Variants in TBX18 observed in about 807,000 individuals in gnomAD.
The protein encoded by TBX18 is T-box transcription factor TBX18.
In TBX18, 21 loss-of-function variants were observed where a neutral mutation model predicts 55.0. The observed-to-expected ratio is 0.38, with a 90% CI of 0.27 to 0.55. The LOEUF (loss-of-function observed/expected upper bound fraction) is 0.55, where lower values mean the gene tolerates loss of function less well. TBX18 is among the 20% of genes least tolerant of loss of function. TBX18 has a pLI of 0.73. For missense variants in TBX18, 840 were observed against 799.6 expected (o/e 1.05, Z -0.61); for synonymous variants, 342 against 326.1 (o/e 1.05, Z -0.53).
rs1229463314 is a variant in TBX18 at position 84,734,248 on chromosome 6, G to A, written c.*2437C>T. 2 of 152,030 alleles carry A rather than the reference G, an allele frequency of 1.3e-5. No homozygotes were observed. The highest frequency in any genetic ancestry group is 6.6e-5 in the Admixed American group (1 of 15,258). The allele number at this position is 152,030 out of a possible 1,614,324, so 9.4% of individuals were successfully genotyped here. A position where few individuals can be genotyped will look rare whatever the true frequency, so the allele number is the denominator to read the frequency against. ...ATTTTCATGTGTTCAACATTTGTCA[G>A]GGCCTTCACCTTCAATGACATGGTC... On this transcript the variant is annotated 3_prime_UTR_variant, in exon 8 of 8. Transcript: ENST00000369663.
intron 4 of TBX18, among the ~76,000 whole-genome samples, chr6:84,752,550 G>A (rs549045302): frequency 5.3e-5 from 8 of 152,180 alleles, no homozygotes; most frequent in African/African-American, 1.9e-4. Context: ...ACGTCCTTTC[G>A]AGTTCATCAG....
rs147381582 is a variant in TBX18, at chr6:84,753,814, G to C, written c.771+2884C>G. On this transcript the variant is annotated intron_variant, in intron 4 of 7. Transcript: ENST00000369663. ...TTCCCATCTTTCCTGGCTGGAATACGGTGACACTGGCATCTGTACTTCTCT... is the reference window on the plus strand; with the variant it reads ...TTCCCATCTTTCCTGGCTGGAATACCGTGACACTGGCATCTGTACTTCTCT... Among the ~76,000 whole-genome samples the C allele has an allele frequency of 8.1e-3, 1,235 of 152,246 alleles. 7 individuals carry two copies. The highest frequency in any genetic ancestry group is 0.014 in the Non-Finnish European group (927 of 68,004).
At chr6:84,754,014 G>A (rs1405943880) in intron 4 of TBX18, among the ~76,000 whole-genome samples, 1 of 152,102 alleles carries the variant, frequency 6.6e-6, no homozygotes, top group Non-Finnish European at 1.5e-5. Context: ...TACAACCTCT[G>A]CCTCCTGGGT....
At position 84,744,243 on chromosome 6, in the gene TBX18, G is replaced by C. The variant is rs1305706564; in HGVS notation, c.1004+18C>G. The C allele has an allele frequency of 1.2e-6, 2 of 1,603,212 alleles. No homozygotes were observed. Among genetic ancestry groups the C allele is most frequent in the Admixed American group, 1.7e-5 (1 of 59,146 alleles). ...AAATATATTTATCATAACCGGAATG[G>C]TCTTCACTAAGGCCCACCTGTTGCG... is the stretch of plus-strand genomic sequence containing the variant. On this transcript the variant is annotated intron_variant, in intron 6 of 7. Coordinates refer to ENST00000369663, the MANE Select transcript of TBX18 (RefSeq NM_001080508.3).
chr6:84,735,284 T>G lies in TBX18; in HGVS notation c.*1401A>C, dbSNP rs1462357010. 2 of 152,208 alleles carry G rather than the reference T, an allele frequency of 1.3e-5. No individual in the cohort carries two copies. The highest frequency in any genetic ancestry group is 2.9e-5 in the Non-Finnish European group (2 of 68,036). The allele number at this position is 152,208 out of a possible 1,614,324, so 9.4% of individuals were successfully genotyped here. ...TTTATCTCATACTGTGCTCTCAAAG[T>G]TACTTGTTTTTAACTCTTCAACCAT... On this transcript the variant is annotated 3_prime_UTR_variant, in exon 8 of 8. Coordinates refer to ENST00000369663, the MANE Select transcript of TBX18 (RefSeq NM_001080508.3).
At chr6:84,751,656 A>G (rs1443052291) in intron 4 of TBX18, among the ~76,000 whole-genome samples, 1 of 152,202 alleles carries the variant, frequency 6.6e-6, no homozygotes, top group Non-Finnish European at 1.5e-5. Context: ...AAAGTCTCAG[A>G]TCTATATGGA....
chr6:84,741,474 C>T (rs1193964920), intron 6 of TBX18: 1 of 152,198 alleles, frequency 6.6e-6, no homozygotes, highest in Admixed American at 6.5e-5. Context: ...AATTCTCTCT[C>T]ACATAGCAAA....
At chr6:84,753,294 A>T (rs1767399307) in intron 4 of TBX18, among the ~76,000 whole-genome samples, 1 of 152,146 alleles carries the variant, frequency 6.6e-6, no homozygotes, top group Non-Finnish European at 1.5e-5. Flanking sequence ...ATGTGCTCCT[A>T]CGTCCAGTCA....
At chr6:84,762,774 G>A in intron 1 of TBX18, 26 bp from the exon 2 acceptor site, 1 of 1,569,386 alleles carries the variant, frequency 6.4e-7, no homozygotes, top group Non-Finnish European at 8.6e-7. Flanking sequence ...CAGAGAAAGG[G>A]AACTGGTGAG....
At chr6:84,756,929 T>C in intron 3 of TBX18, 60 bp from the exon 4 acceptor site, 1 of 1,483,826 alleles carries the variant, frequency 6.7e-7, no homozygotes, top group African/African-American at 1.4e-5. Flanking sequence ...TCCAACTCAG[T>C]AGAATCAGAC....
At position 84,736,833 on chromosome 6, in the gene TBX18, G is replaced by T; in HGVS notation, c.1676C>A (p.Pro559Gln). 1.2e-6 allele frequency: 2 copies of T among 1,613,966 alleles called. No individual in the cohort carries two copies. The highest frequency in any genetic ancestry group is 8.5e-7 in the Non-Finnish European group (1 of 1,179,974). The change falls in exon 8 of 8, where the codon CCG (proline) becomes CAG (glutamine). Residue 559 changes from proline to glutamine, a missense_variant. Pro to Gln is a moderately conservative substitution (Grantham distance 76, BLOSUM62 -1). Transcript: ENST00000369663. The stretch of plus-strand genomic sequence containing the variant: ...CTGCCGATCCGTCATGGTCCCACTC[G>T]GTGAGGACCCCAAGAAACTTCCTTG... Reference protein sequence around the residue: ...SSQGSFLGSSPSGTMTDRQML... With the variant: ...SSQGSFLGSSQSGTMTDRQML...
At position 84,734,198 on chromosome 6, in the gene TBX18, C is replaced by T. The variant is rs187310443; in HGVS notation, c.*2487G>A. On this transcript the variant is annotated 3_prime_UTR_variant, in exon 8 of 8. Coordinates refer to ENST00000369663, the MANE Select transcript of TBX18 (RefSeq NM_001080508.3). Reference sequence around the variant, plus strand: ...CTGGACCCAAAACAAAACATACCACCCCATCCCTTTCCTCTCACATTCAAA... The same window carrying T: ...CTGGACCCAAAACAAAACATACCACTCCATCCCTTTCCTCTCACATTCAAA... 1 of 152,158 alleles carries T rather than the reference C, an allele frequency of 6.6e-6. No individual in the cohort carries two copies. The highest frequency in any genetic ancestry group is 2.1e-4 in the South Asian group (1 of 4,818). 9.4% of individuals were successfully genotyped at this position (152,158 alleles called of 1,614,324 possible).
At position 84,736,149 on chromosome 6, in the gene TBX18, A is replaced by T. The variant is rs562052412; in HGVS notation, c.*536T>A. 1 of 152,708 alleles carries T rather than the reference A, an allele frequency of 6.5e-6. No homozygotes were observed. Among genetic ancestry groups the T allele is most frequent in the East Asian group, 1.9e-4 (1 of 5,184 alleles). 9.5% of individuals were successfully genotyped at this position (152,708 alleles called of 1,614,324 possible). A position where few individuals can be genotyped will look rare whatever the true frequency, so the allele number is the denominator to read the frequency against. On this transcript the variant is annotated 3_prime_UTR_variant, in exon 8 of 8. Coordinates refer to ENST00000369663, the MANE Select transcript of TBX18 (RefSeq NM_001080508.3). ...ATAATAAGCAGGAATGAAAAAGCTG[A>T]TCCTTCATGATTACAAATACCTCAG...
chr6:84,733,549 G>A lies in TBX18; in HGVS notation c.*3136C>T, dbSNP rs2127868977. 1 of 152,314 alleles carries A rather than the reference G, an allele frequency of 6.6e-6. No individual in the cohort carries two copies. The highest frequency in any genetic ancestry group is 2.4e-5 in the African/African-American group (1 of 41,574). 9.4% of individuals were successfully genotyped at this position (152,314 alleles called of 1,614,324 possible). A position where few individuals can be genotyped will look rare whatever the true frequency, so the allele number is the denominator to read the frequency against. On this transcript the variant is annotated 3_prime_UTR_variant, in exon 8 of 8. Coordinates refer to ENST00000369663, the MANE Select transcript of TBX18 (RefSeq NM_001080508.3). Reference sequence around the variant, plus strand: ...ACCACCTCTACCAAGGTTCCTGAAAGAAGTTTATGAAATGATTATTTTTAA... The same window carrying A: ...ACCACCTCTACCAAGGTTCCTGAAAAAAGTTTATGAAATGATTATTTTTAA...
At chr6:84,745,411 A>G (rs1372592741) in intron 5 of TBX18, among the ~76,000 whole-genome samples, 1 of 152,152 alleles carries the variant, frequency 6.6e-6, no homozygotes, top group Non-Finnish European at 1.5e-5. Flanking sequence ...GTTAATGAAC[A>G]TACTTCTAAT....
At chr6:84,738,415 A>G in intron 7 of TBX18, 82 bp downstream of exon 7, 1 of 1,048,962 alleles carries the variant, frequency 9.5e-7, no homozygotes, top group East Asian at 2.4e-5. Context: ...GTAAGTATAA[A>G]TAATGACTTG....
Position 84,747,991 on chromosome 6 carries a change from C to G in TBX18, c.868G>C (p.Gly290Arg). Reference sequence around the variant, plus strand: ...AAGGAGAATGCCTTTACTCCCTCCCCGGATGGAACAGGCTTGATGGGAGAA... The same window carrying G: ...AAGGAGAATGCCTTTACTCCCTCCCGGGATGGAACAGGCTTGATGGGAGAA... ...DLSPIKPVPS[G>R]EGVKAFSFPE... The change falls in exon 5 of 8, where the codon GGG becomes CGG. Residue 290 changes from glycine (G) to arginine (R), a missense_variant. Transcript: ENST00000369663. 6.2e-7 allele frequency: 1 copy of G among 1,613,362 alleles called. No individual in the cohort carries two copies. Among genetic ancestry groups the G allele is most frequent in the East Asian group, 2.2e-5 (1 of 44,846 alleles).
Position 84,760,355 on chromosome 6 carries a change from G to T in TBX18, c.499C>A (p.Arg167Ser). The T allele has an allele frequency of 6.3e-7, 1 of 1,594,774 alleles. No individual in the cohort carries two copies. The highest frequency in any genetic ancestry group is 1.1e-5 in the South Asian group (1 of 87,846). ...TTCACTCTCATTGCTGGAAACATGC[G>T]CCTATTTAAAAAGGCGAAGAGAAAG... ...TEMIITKAGRRMFPAMRVKIS... is the reference protein window; with the variant it reads ...TEMIITKAGRSMFPAMRVKIS... The change falls in exon 3 of 8, where the codon CGC becomes AGC. Residue 167 changes from arginine (R) to serine (S), a missense_variant and splice_region_variant. By Grantham distance (110) the Arg-to-Ser change is moderately radical. Coordinates refer to ENST00000369663, the MANE Select transcript of TBX18 (RefSeq NM_001080508.3).
chr6:84,736,473 G>A lies in TBX18; in HGVS notation c.*212C>T, dbSNP rs568927929. On this transcript the variant is annotated 3_prime_UTR_variant, in exon 8 of 8. Coordinates refer to ENST00000369663, the MANE Select transcript of TBX18 (RefSeq NM_001080508.3). ...ATGAAACAGGGGAACAATAGGGGCC[G>A]TGATACTCCATGTGCTATGTATATA... The A allele has an allele frequency of 4.2e-5, 17 of 408,104 alleles. No homozygotes were observed. Among genetic ancestry groups the A allele is most frequent in the African/African-American group, 2.1e-4 (10 of 48,640 alleles). The allele number at this position is 408,104 out of a possible 1,614,324, so 25.3% of individuals were successfully genotyped here.
Sources: allele counts gnomAD v4.1 joint callset (sites outside exome capture counted in the v4.1 genomes callset), GRCh38; gene constraint gnomAD v4.1.1; transcripts MANE v1.5; gene names NCBI Gene and HGNC (gene_info 2026-07-23, HGNC 2026-07-21).